FLRT2: variants seen among roughly 807,000 people sequenced by gnomAD.
FLRT2 encodes the protein fibronectin leucine rich transmembrane protein 2.
A neutral mutation model predicts 40.0 loss-of-function variants in FLRT2; 15 were observed. The observed-to-expected ratio is 0.38, with a 90% CI of 0.25 to 0.58. FLRT2 has a LOEUF of 0.58. Ranked by LOEUF, FLRT2 falls within the 20% of genes least tolerant of loss-of-function variation. The pLI, the probability that FLRT2 is intolerant of heterozygous loss-of-function variation, is 0.71. For synonymous variants in FLRT2, 380 were observed against 336.8 expected, an observed-to-expected ratio of 1.13 and a Z score of -1.41; for missense variants, 726 against 840.0, an observed-to-expected ratio of 0.86 and a Z score of 1.68.
At position 85,629,007 on chromosome 14, in the gene FLRT2, A is replaced by G. The variant is rs558429806; in HGVS notation, c.*5510A>G. ...TTCTCCCTCACTATGTCCCTGAAGA[A>G]ATCTCTTCATCTGATATATTTACTA... On this transcript the variant is annotated 3_prime_UTR_variant, in exon 2 of 2. Transcript: ENST00000330753. 7.4e-4 allele frequency: 113 copies of G among 152,284 alleles called. No homozygotes were observed. The highest frequency in any genetic ancestry group is 2.6e-3 in the African/African-American group (109 of 41,556). 9.4% of individuals were successfully genotyped at this position (152,284 alleles called of 1,614,324 possible).
Position 85,621,981 on chromosome 14 carries a change from G to C in FLRT2, c.467G>C (p.Arg156Pro). The change falls in exon 2 of 2, where the codon CGG becomes CCG. Residue 156 changes from arginine to proline, a missense_variant. Physicochemically the swap from Arg to Pro is moderately radical, Grantham distance 103. This residue lies in a region of FLRT2 where 611 missense variants were observed against 690.0 expected (regional missense o/e 0.89). Coordinates refer to ENST00000330753, the MANE Select transcript of FLRT2 (RefSeq NM_013231.6). ...STVGVEDGAF[R>P]EAISLKLLFL... ...GTGGGGGTGGAAGACGGGGCCTTCC[G>C]GGAGGCTATTAGCCTCAAATTGTTG... 2 of 1,601,476 alleles carry C rather than the reference G, an allele frequency of 1.2e-6. No individual in the cohort carries two copies. The highest frequency in any genetic ancestry group is 1.7e-6 in the Non-Finnish European group (2 of 1,173,712).
intron 1 of FLRT2, among the ~76,000 whole-genome samples, chr14:85,570,479 GAA>G (rs1173733912): frequency 6.6e-6 from 1 of 151,988 alleles, no homozygotes; most frequent in Non-Finnish European, 1.5e-5. Context: ...TACAGTTAAT[GAA>G]AGAGCAAAGA....
chr14:85,569,248 C>T (rs765002185), intron 1 of FLRT2, among the ~76,000 whole-genome samples: 9 of 152,208 alleles, frequency 5.9e-5, no homozygotes, highest in South Asian at 4.1e-4. Flanking sequence ...CTCTGCCATC[C>T]GCCGACACCC....
chr14:85,600,637 A>T (rs1258113789), intron 1 of FLRT2, among the ~76,000 whole-genome samples: 1 of 152,252 alleles, frequency 6.6e-6, no homozygotes, highest in East Asian at 1.9e-4. Context: ...ATTTTCTATT[A>T]TGAAATTATA....
chr14:85,554,526 T>A (rs1296600417), intron 1 of FLRT2, among the ~76,000 whole-genome samples: 2 of 152,324 alleles, frequency 1.3e-5, no homozygotes, highest in East Asian at 3.9e-4. Context: ...AATCCTCTAG[T>A]CTTTTCCTGA....
chr14:85,586,599 C>T (rs1034893698), intron 1 of FLRT2, among the ~76,000 whole-genome samples: 4 of 152,032 alleles, frequency 2.6e-5, no homozygotes, highest in Non-Finnish European at 5.9e-5. Flanking sequence ...TGATAAAACT[C>T]ACTCATATTT....
At chr14:85,608,298 C>T (rs942465760) in intron 1 of FLRT2, among the ~76,000 whole-genome samples, 4 of 151,616 alleles carry the variant, frequency 2.6e-5, no homozygotes, top group Non-Finnish European at 5.9e-5. Flanking sequence ...GGTGTTATCT[C>T]GGCTCACTGC....
At chr14:85,585,952 T>A (rs1891595590) in intron 1 of FLRT2, among the ~76,000 whole-genome samples, 1 of 150,782 alleles carries the variant, frequency 6.6e-6, no homozygotes, top group Admixed American at 6.6e-5. Context: ...TACATGCTTT[T>A]AATTAAGTAT....
At chr14:85,587,714 A>T (rs1891686886) in intron 1 of FLRT2, among the ~76,000 whole-genome samples, 2 of 152,182 alleles carry the variant, frequency 1.3e-5, no homozygotes. Context: ...TGAAGACTTT[A>T]CATAAAAACT....
At chr14:85,537,868 G>C in intron 1 of FLRT2, among the ~76,000 whole-genome samples, 1 of 147,106 alleles carries the variant, frequency 6.8e-6, no homozygotes, top group African/African-American at 2.5e-5. Context: ...CTTCCTTAGC[G>C]AATTTCACAT....
At chr14:85,606,384 C>G (rs1177621628) in intron 1 of FLRT2, among the ~76,000 whole-genome samples, 1 of 152,158 alleles carries the variant, frequency 6.6e-6, no homozygotes, top group African/African-American at 2.4e-5. Flanking sequence ...TACTTAAACA[C>G]TTGACGTCCC....
At chr14:85,580,289 C>T (rs1017843647) in intron 1 of FLRT2, among the ~76,000 whole-genome samples, 2 of 152,090 alleles carry the variant, frequency 1.3e-5, no homozygotes, top group Admixed American at 6.5e-5. Flanking sequence ...AGGGAAGGTA[C>T]TGTTGGTGTT....
intron 1 of FLRT2, among the ~76,000 whole-genome samples, chr14:85,617,058 C>A (rs1256941614): frequency 2.3e-5 from 2 of 85,376 alleles, no homozygotes; most frequent in South Asian, 6.6e-4. Context: ...CAACAGTTGG[C>A]GATTTTCCCA....
At position 85,640,689 on chromosome 14, in the gene FLRT2, TCA is replaced by T. The variant is rs1894129587; in HGVS notation, c.*17193_*17194del. On this transcript the variant is annotated 3_prime_UTR_variant, in exon 2 of 2. Coordinates refer to ENST00000330753, the MANE Select transcript of FLRT2 (RefSeq NM_013231.6). Reference sequence around the variant, plus strand: ...TTTGCTAAGTTCTCACTGGTCAGGTTCAGTCTTTGCTATTAGAGTCGAGCATC... The same window carrying T: ...TTTGCTAAGTTCTCACTGGTCAGGTTGTCTTTGCTATTAGAGTCGAGCATC... 6.6e-6 allele frequency: 1 copy of T among 152,246 alleles called. No homozygotes were observed. Among genetic ancestry groups the T allele is most frequent in the Non-Finnish European group, 1.5e-5 (1 of 68,048 alleles). The allele number at this position is 152,246 out of a possible 1,614,324, so 9.4% of individuals were successfully genotyped here.
At chr14:85,613,541 A>G (rs1892993691) in intron 1 of FLRT2, among the ~76,000 whole-genome samples, 1 of 152,134 alleles carries the variant, frequency 6.6e-6, no homozygotes, top group Non-Finnish European at 1.5e-5. Context: ...ATATTATCTC[A>G]CTGATTCCTT....
In FLRT2 at chr14:85,630,961, G is replaced by C. The variant is rs1487127048; in HGVS notation, c.*7464G>C. The C allele has an allele frequency of 6.6e-6, 1 of 151,506 alleles. No individual in the cohort carries two copies. Among genetic ancestry groups the C allele is most frequent in the Non-Finnish European group, 1.5e-5 (1 of 67,934 alleles). 9.4% of individuals were successfully genotyped at this position (151,506 alleles called of 1,614,324 possible). A position where few individuals can be genotyped will look rare whatever the true frequency, so the allele number is the denominator to read the frequency against. On this transcript the variant is annotated 3_prime_UTR_variant, in exon 2 of 2. Transcript: ENST00000330753. ...ATACTGCAGTGCTTGCAAAACATGC[G>C]TTTTTATTGCTTGCAAGATAGAATT...
Position 85,634,221 on chromosome 14 carries a change from A to G in FLRT2, c.*10724A>G, listed in dbSNP as rs896605069. The G allele has an allele frequency of 6.6e-6, 1 of 152,186 alleles. No homozygotes were observed. Among genetic ancestry groups the G allele is most frequent in the African/African-American group, 2.4e-5 (1 of 41,460 alleles). 9.4% of individuals were successfully genotyped at this position (152,186 alleles called of 1,614,324 possible). A position where few individuals can be genotyped will look rare whatever the true frequency, so the allele number is the denominator to read the frequency against. ...GCTTAATAAATGCAGAAGTTCAGAC[A>G]TTTGATGAGGGGGGAAATATACTTT... is the stretch of plus-strand genomic sequence containing the variant. On this transcript the variant is annotated 3_prime_UTR_variant, in exon 2 of 2. Coordinates refer to ENST00000330753, the MANE Select transcript of FLRT2 (RefSeq NM_013231.6).
rs1392981067 is a variant in FLRT2 at position 85,625,770 on chromosome 14, G to A, written c.*2273G>A. The A allele has an allele frequency of 6.0e-6, 1 of 167,196 alleles. No homozygotes were observed. The allele number at this position is 167,196 out of a possible 1,614,324, so 10.4% of individuals were successfully genotyped here. A position where few individuals can be genotyped will look rare whatever the true frequency, so the allele number is the denominator to read the frequency against. On this transcript the variant is annotated 3_prime_UTR_variant, in exon 2 of 2. Coordinates refer to ENST00000330753, the MANE Select transcript of FLRT2 (RefSeq NM_013231.6). The stretch of plus-strand genomic sequence containing the variant: ...CTGTCCTCTTCCCCTTGGCTGTGTA[G>A]ATAAAATTGTGCATTCAAATGATGG...
chr14:85,619,741 A>G (rs140646418), intron 1 of FLRT2, among the ~76,000 whole-genome samples: 202 of 152,290 alleles, frequency 1.3e-3, no homozygotes, highest in Non-Finnish European at 2.2e-3. Flanking sequence ...ATGTCCTGTC[A>G]TGTTAGCTTA....
Sources: gnomAD v4.1 joint callset for allele counts (sites outside exome capture counted in the v4.1 genomes callset) on GRCh38, gnomAD v4.1.1 for gene constraint, gnomAD v4.1.1 regional missense constraint, MANE v1.5 for transcripts, NCBI Gene and HGNC (gene_info 2026-07-23, HGNC 2026-07-21) for gene names.